The following SEC14L5 variants were observed in gnomAD, a reference collection of about 807,000 sequenced individuals.
SEC14L5 encodes SEC14-like protein 5.
Under a neutral mutation model 84.6 loss-of-function variants are expected in SEC14L5, and 96 were observed. The ratio of observed to expected loss-of-function variants is 1.13; its 90% CI spans 0.96 to 1.34. The LOEUF (loss-of-function observed/expected upper bound fraction) is 1.34, where lower values mean the gene tolerates loss of function less well. Among genes scored for constraint, SEC14L5 ranks in the 40% most tolerant of loss-of-function variants. SEC14L5 has a pLI of 0.00. For synonymous variants in SEC14L5, 546 were observed against 383.4 expected (o/e 1.42, Z -4.95); for missense variants, 1,224 against 942.5 (o/e 1.30, Z -3.91).
chr16:5,010,546 T>C (rs1596646336), intron 14 of SEC14L5, among the ~76,000 whole-genome samples: 1 of 152,180 alleles, frequency 6.6e-6, no homozygotes, highest in East Asian at 1.9e-4. Flanking sequence ...TGGCAGTTGC[T>C]GTCGATCTCA....
chr16:4,973,146 T>C (rs902518153), intron 2 of SEC14L5, among the ~76,000 whole-genome samples: 14 of 152,196 alleles, frequency 9.2e-5, no homozygotes, highest in Non-Finnish European at 5.9e-5. Context: ...AGAGGTTGCT[T>C]TGAGAGCATC....
chr16:4,988,428 T>A (rs951106413), intron 4 of SEC14L5, 148 bp downstream of exon 4: 1 of 1,009,790 alleles, frequency 9.9e-7, no homozygotes, highest in African/African-American at 1.6e-5. Flanking sequence ...GGATGCTTGG[T>A]TGCCTTTGCA....
chr16:4,997,116 T>G, intron 8 of SEC14L5, 72 bp downstream of exon 8: 1 of 1,105,012 alleles, frequency 9.0e-7, no homozygotes, highest in South Asian at 1.7e-5. Flanking sequence ...TTTATTATTT[T>G]GAGATGGGGT....
At chr16:4,962,931 G>A (rs1412957315) in intron 2 of SEC14L5, among the ~76,000 whole-genome samples, 1 of 152,158 alleles carries the variant, frequency 6.6e-6, no homozygotes, top group African/African-American at 2.4e-5. Flanking sequence ...GCACAAAAGG[G>A]GTTTTCTATG....
intron 12 of SEC14L5, among the ~76,000 whole-genome samples, chr16:5,006,371 AG>A (rs934754036): frequency 6.6e-6 from 1 of 152,228 alleles, no homozygotes; most frequent in Non-Finnish European, 1.5e-5. Context: ...GACATTGCCA[AG>A]CAGCAGTGAG....
intron 2 of SEC14L5, among the ~76,000 whole-genome samples, chr16:4,980,846 C>G (rs1225562033): frequency 6.6e-6 from 1 of 152,208 alleles, no homozygotes; most frequent in Non-Finnish European, 1.5e-5. Context: ...ATCCAGGCCT[C>G]CTACCCCTCC....
chr16:4,994,682 A>AAT (rs779269127), intron 6 of SEC14L5, among the ~76,000 whole-genome samples: 2 of 144,382 alleles, frequency 1.4e-5, no homozygotes, highest in Non-Finnish European at 3.0e-5. Flanking sequence ...GTATGTGCAC[A>AAT]TTTTTTTTTT....
At chr16:5,001,191 C>A (rs1955672771) in intron 10 of SEC14L5, among the ~76,000 whole-genome samples, 1 of 150,926 alleles carries the variant, frequency 6.6e-6, no homozygotes. Flanking sequence ...GGGGTCCTGT[C>A]TGGCTTCTAG....
Position 4,991,886 on chromosome 16 carries a change from A to G in SEC14L5, c.523A>G (p.Thr175Ala), listed in dbSNP as rs1471057993. 26 of 1,610,210 alleles carry G rather than the reference A, an allele frequency of 1.6e-5. No homozygotes were observed. Among genetic ancestry groups the G allele is most frequent in the Non-Finnish European group, 2.2e-5 (26 of 1,179,000 alleles). The change falls in exon 6 of 16, where the codon ACC becomes GCC. Residue 175 changes from threonine (T) to alanine (A), a missense_variant. Transcript: ENST00000251170. Reference sequence around the variant, plus strand: ...CCTGAATGAGCTCATCTCCCAGGGTACCTCGCACATTCCGCGCTGGACGCC... The same window carrying G: ...CCTGAATGAGCTCATCTCCCAGGGTGCCTCGCACATTCCGCGCTGGACGCC... Reference protein sequence around the residue: ...HYLNELISQGTSHIPRWTPAP... With the variant: ...HYLNELISQGASHIPRWTPAP...
rs543384916 is a variant in SEC14L5, at chr16:5,017,907, C to T, written c.*2937C>T. ...CCTGAGCCACAAAGGCTGGAAGTGC[C>T]TTGGCTTGGGCTTCTTGCATCATTA... is the stretch of plus-strand genomic sequence containing the variant. On this transcript the variant is annotated 3_prime_UTR_variant, in exon 16 of 16. Coordinates refer to ENST00000251170, the MANE Select transcript of SEC14L5 (RefSeq NM_014692.2). 1 of 152,220 alleles carries T rather than the reference C, an allele frequency of 6.6e-6. No homozygotes were observed. The highest frequency in any genetic ancestry group is 6.5e-5 in the Admixed American group (1 of 15,284). The allele number at this position is 152,220 out of a possible 1,614,324, so 9.4% of individuals were successfully genotyped here. A position where few individuals can be genotyped will look rare whatever the true frequency, so the allele number is the denominator to read the frequency against.
intron 1 of SEC14L5, 77 bp from the exon 2 acceptor site, chr16:4,959,196 G>T: frequency 1.4e-6 from 1 of 720,530 alleles, no homozygotes; most frequent in Admixed American, 2.0e-5. Context: ...GCCAGGGGCT[G>T]CCCCTTACAC....
intron 4 of SEC14L5, among the ~76,000 whole-genome samples, chr16:4,988,759 A>T (rs1955522548): frequency 6.6e-6 from 1 of 152,204 alleles, no homozygotes; most frequent in Admixed American, 6.5e-5. Flanking sequence ...CTTTGACTAT[A>T]ATTAATAATA....
chr16:4,988,194 A>C lies in SEC14L5; in HGVS notation c.259A>C (p.Asn87His). 1.2e-6 allele frequency: 2 copies of C among 1,607,474 alleles called. No individual in the cohort carries two copies. Among genetic ancestry groups the C allele is most frequent in the East Asian group, 4.5e-5 (2 of 44,482 alleles). Residue 87 changes from asparagine (N) to histidine (H), a missense_variant, in exon 4 of 16, where the codon AAC (asparagine) becomes CAC (histidine). Physicochemically the swap from Asn to His is moderately conservative, Grantham distance 68. Coordinates refer to ENST00000251170, the MANE Select transcript of SEC14L5 (RefSeq NM_014692.2). ...HVVFVQTNIL[N>H]WKERTLLIEA... ...GGTCTTCGTGCAGACAAACATCTTG[A>C]ACTGGAAGGAGAGGACGCTCCTCAT... is the stretch of plus-strand genomic sequence containing the variant.
At chr16:5,009,678 A>G (rs1955777501) in intron 14 of SEC14L5, among the ~76,000 whole-genome samples, 1 of 152,048 alleles carries the variant, frequency 6.6e-6, no homozygotes, top group Non-Finnish European at 1.5e-5. Flanking sequence ...TCACGTTCTG[A>G]GGTTCTGGCT....
intron 8 of SEC14L5, among the ~76,000 whole-genome samples, chr16:4,998,285 G>C (rs1955635311): frequency 6.6e-6 from 1 of 151,486 alleles, no homozygotes; most frequent in Admixed American, 6.6e-5. Flanking sequence ...GGGATTACAG[G>C]AGTGAGCCAC....
chr16:4,987,904 C>A (rs1955510284), intron 3 of SEC14L5, among the ~76,000 whole-genome samples, 198 bp downstream of exon 3: 2 of 151,774 alleles, frequency 1.3e-5, no homozygotes, highest in Non-Finnish European at 2.9e-5. Context: ...GAAGGCTGGG[C>A]TGGGGAGTAG....
At chr16:4,969,341 T>G (rs530833209) in intron 2 of SEC14L5, among the ~76,000 whole-genome samples, 2 of 152,198 alleles carry the variant, frequency 1.3e-5, no homozygotes, top group Non-Finnish European at 2.9e-5. Flanking sequence ...CTAGCACTTC[T>G]TTTTTTCTCC....
chr16:5,017,814 C>T lies in SEC14L5; in HGVS notation c.*2844C>T, dbSNP rs1428654874. 1 of 152,198 alleles carries T rather than the reference C, an allele frequency of 6.6e-6. No homozygotes were observed. The highest frequency in any genetic ancestry group is 1.5e-5 in the Non-Finnish European group (1 of 68,036). 9.4% of individuals were successfully genotyped at this position (152,198 alleles called of 1,614,324 possible). A position where few individuals can be genotyped will look rare whatever the true frequency, so the allele number is the denominator to read the frequency against. On this transcript the variant is annotated 3_prime_UTR_variant, in exon 16 of 16. Transcript: ENST00000251170. ...GCATTATCAAGGTCATTCTTCTTGCCTTCGGGAGGACTGGAATTAAAAATA... is the reference window on the plus strand; with the variant it reads ...GCATTATCAAGGTCATTCTTCTTGCTTTCGGGAGGACTGGAATTAAAAATA...
At chr16:5,012,763 G>GTGTGGTGGC (rs1567131395) in intron 15 of SEC14L5, among the ~76,000 whole-genome samples, 4 of 151,776 alleles carry the variant, frequency 2.6e-5, no homozygotes, top group Non-Finnish European at 5.9e-5. Context: ...AAATTAGCCG[G>GTGTGGTGGC]GCATGCCTAT....
Sources: gnomAD v4.1 joint callset for allele counts (sites outside exome capture counted in the v4.1 genomes callset) on GRCh38, gnomAD v4.1.1 for gene constraint, MANE v1.5 for transcripts, NCBI Gene and HGNC (gene_info 2026-07-23, HGNC 2026-07-21) for gene names.